Variants in EPG5 observed in about 807,000 individuals in gnomAD.
The protein encoded by EPG5 is ectopic P-granules 5 autophagy tethering factor.
EPG5 carries 159 observed loss-of-function variants against 302.7 expected under a neutral mutation model. The observed-to-expected ratio is 0.53, with a 90% CI of 0.46 to 0.60. The LOEUF is 0.60. EPG5 is among the 20% of genes least tolerant of loss of function. The pLI, the probability that EPG5 is intolerant of heterozygous loss-of-function variation, is 0.00. For missense variants in EPG5, 2,896 were observed against 3,092.4 expected, an observed-to-expected ratio of 0.94 and a Z score of 1.51; for synonymous variants, 1,158 against 1,136.8, an observed-to-expected ratio of 1.02 and a Z score of -0.37.
intron 22 of EPG5, among the ~76,000 whole-genome samples, chr18:45,911,312 C>A (rs1044699245): frequency 4.1e-5 from 6 of 145,628 alleles, no homozygotes; most frequent in African/African-American, 1.5e-4. Context: ...TTTAGACAGA[C>A]TCTTGCTCTG....
chr18:45,893,786 A>AT (rs1568128834), intron 27 of EPG5, among the ~76,000 whole-genome samples: 1 of 152,208 alleles, frequency 6.6e-6, no homozygotes, highest in Non-Finnish European at 1.5e-5. Context: ...TATGGAAAGT[A>AT]TTAAGTTGTT....
Position 45,951,173 on chromosome 18 carries a change from A to G in EPG5, c.1318T>C (p.Phe440Leu), listed in dbSNP as rs200123131. ...TCATTAACTCTCCTGGTGAACATGAATAAGACACTAATGCATTCCTTTAGT... is the reference window on the plus strand; with the variant it reads ...TCATTAACTCTCCTGGTGAACATGAGTAAGACACTAATGCATTCCTTTAGT... Reference protein sequence around the residue: ...CQLKECISVLFMFTRRVNEDT... With the variant: ...CQLKECISVLLMFTRRVNEDT... Residue 440 changes from phenylalanine (F) to leucine (L), a missense_variant, in exon 4 of 44, where the codon TTC (phenylalanine) becomes CTC (leucine). This residue lies in a region of EPG5 where 1,390 missense variants were observed against 1,430.0 expected (regional missense o/e 0.97). Transcript: ENST00000282041. 19 of 1,597,802 alleles carry G rather than the reference A, an allele frequency of 1.2e-5. No homozygotes were observed. The highest frequency in any genetic ancestry group is 1.4e-5 in the Non-Finnish European group (17 of 1,173,310).
the EPG5 span, chr18:45,840,218 G>C: frequency 6.2e-7 from 1 of 1,612,560 alleles, no homozygotes. Context: ...CAGAGCATCT[G>C]GACACCCCGG....
chr18:45,886,737 C>T (rs192097218), intron 29 of EPG5, among the ~76,000 whole-genome samples: 1 of 152,190 alleles, frequency 6.6e-6, no homozygotes, highest in Admixed American at 6.5e-5. Flanking sequence ...CCGCTCACCG[C>T]AACCTCTGCC....
At chr18:45,855,137 G>A (rs995346147) in intron 43 of EPG5, among the ~76,000 whole-genome samples, 6 of 152,086 alleles carry the variant, frequency 3.9e-5, no homozygotes, top group African/African-American at 1.4e-4. Context: ...GCCAACAATA[G>A]TCAACCTTCA....
intron 1 of EPG5, among the ~76,000 whole-genome samples, chr18:45,957,951 C>T (rs2051066359): frequency 6.6e-6 from 1 of 152,236 alleles, no homozygotes; most frequent in Non-Finnish European, 1.5e-5. Context: ...AGGTTATACA[C>T]CTGGCTCCTG....
chr18:45,860,204 C>T lies in EPG5; in HGVS notation c.6909G>A (p.Leu2303=). The T allele has an allele frequency of 6.2e-7, 1 of 1,614,266 alleles. No individual in the cohort carries two copies. ...RTWIGQKMHG[L]VVLPLLTAAC... ...CTGCTGTTAAAAGGGGCAGCACCAC[C>T]AGCCCATGCATTTTTTGGCCAATCC... Residue 2303 remains leucine (L), a synonymous_variant, in exon 40 of 44, where the codon CTG becomes CTA. Transcript: ENST00000282041.
chr18:45,943,061 C>A, intron 9 of EPG5, 100 bp downstream of exon 9: 2 of 1,180,178 alleles, frequency 1.7e-6, no homozygotes, highest in South Asian at 3.7e-5. Context: ...GAAATAAGAC[C>A]TGAGGTTTAC....
chr18:45,853,048 C>T (rs896914312), intron 43 of EPG5, among the ~76,000 whole-genome samples: 2 of 152,234 alleles, frequency 1.3e-5, no homozygotes, highest in Non-Finnish European at 2.9e-5. Context: ...ACCAGATTGT[C>T]CACTCCTTCC....
chr18:45,885,911 T>C (rs1216016575), intron 29 of EPG5, among the ~76,000 whole-genome samples: 1 of 151,988 alleles, frequency 6.6e-6, no homozygotes, highest in Non-Finnish European at 1.5e-5. Flanking sequence ...AAAGTATATA[T>C]AAATGGCCAA....
Position 45,933,406 on chromosome 18 carries a change from C to A in EPG5, c.2257+1403G>T, listed in dbSNP as rs1029911345. Among the ~76,000 whole-genome samples the A allele has an allele frequency of 5.9e-5, 9 of 152,128 alleles. No individual in the cohort carries two copies. The East Asian group carries it at 1.7e-3, about 29-fold the overall frequency. ...GAGAGACAGAAATGGAGGCTGAGTA[C>A]GGTGGCTCACGCCTATTATCCCAGC... On this transcript the variant is annotated intron_variant, in intron 11 of 43. Coordinates refer to ENST00000282041, the MANE Select transcript of EPG5 (RefSeq NM_020964.3).
chr18:45,896,920 C>T lies in EPG5; in HGVS notation c.4809+2484G>A, dbSNP rs544060626. ...AAAAACATCTAAGCCATGTTCACAT[C>T]AGTCCTTATCATAAATCATCTTTTC... On this transcript the variant is annotated intron_variant, in intron 27 of 43. Transcript: ENST00000282041. Among the ~76,000 whole-genome samples, 4 of 152,320 alleles carry T rather than the reference C, an allele frequency of 2.6e-5. No individual in the cohort carries two copies. In the South Asian group the frequency reaches 8.3e-4, roughly 32 times the overall value.
At chr18:45,858,869 TGA>T (rs2048573196) in intron 40 of EPG5, 87 bp from the exon 41 acceptor site, 1 of 1,056,832 alleles carries the variant, frequency 9.5e-7, no homozygotes, top group Non-Finnish European at 1.4e-6. Flanking sequence ...TTAAGCTTCA[TGA>T]TTTTTTTTTT....
chr18:45,888,054 G>T, intron 28 of EPG5, 147 bp from the exon 29 acceptor site: 1 of 580,228 alleles, frequency 1.7e-6, no homozygotes, highest in Non-Finnish European at 2.8e-6. Context: ...ATATTTCATG[G>T]AGTAAATATA....
the EPG5 span, chr18:45,838,866 T>C: frequency 6.3e-7 from 1 of 1,585,142 alleles, no homozygotes; most frequent in East Asian, 2.3e-5. Context: ...GGAGCCCGCG[T>C]GAGGGTCACG....
In EPG5 at chr18:45,884,609, C is replaced by T; in HGVS notation, c.5304+8G>A. 1 of 1,593,908 alleles carries T rather than the reference C, an allele frequency of 6.3e-7. No homozygotes were observed. ...CAACAATATGGTGAGGATGGAATTA[C>T]ATCTTACCTTGGTTAGCAGCATGAA... is the stretch of plus-strand genomic sequence containing the variant. On this transcript the variant is annotated splice_region_variant and intron_variant, in intron 30 of 43. Transcript: ENST00000282041.
chr18:45,930,666 A>T lies in EPG5; in HGVS notation c.2412+10T>A, dbSNP rs2050379017. On this transcript the variant is annotated intron_variant, in intron 12 of 43. Transcript: ENST00000282041. Reference sequence around the variant, plus strand: ...ATTTTTAGCTGATTTATAAAACTTCATATTCTAACCTCATATATCTCCAGA... The same window carrying T: ...ATTTTTAGCTGATTTATAAAACTTCTTATTCTAACCTCATATATCTCCAGA... 3.9e-6 allele frequency: 6 copies of T among 1,542,324 alleles called. No individual in the cohort carries two copies. In the South Asian group the frequency reaches 6.2e-5, roughly 16 times the overall value.
chr18:45,918,705 A>G (rs1176804593), intron 16 of EPG5, among the ~76,000 whole-genome samples: 1 of 152,240 alleles, frequency 6.6e-6, no homozygotes, highest in Non-Finnish European at 1.5e-5. Context: ...TTTTAAAATA[A>G]TACACATGAT....
chr18:45,967,149 G>A (rs1483254390), intron 1 of EPG5, 28 bp downstream of exon 1: 6 of 1,439,828 alleles, frequency 4.2e-6, no homozygotes, highest in Admixed American at 4.9e-5. Context: ...CACTGCCAGA[G>A]CCTCGGGAGG....
Sources: allele counts gnomAD v4.1 joint callset (sites outside exome capture counted in the v4.1 genomes callset), GRCh38; gene constraint gnomAD v4.1.1; regional missense constraint gnomAD v4.1.1; transcripts MANE v1.5; gene names NCBI Gene and HGNC (gene_info 2026-07-23, HGNC 2026-07-21).